Variants in RPIA observed in about 807,000 individuals in gnomAD.
The protein encoded by RPIA is ribose 5-phosphate isomerase A.
Under a neutral mutation model 37.8 loss-of-function variants are expected in RPIA, and 29 were observed. That is an observed-to-expected ratio of 0.77 (90% confidence interval 0.57 to 1.05). The LOEUF (loss-of-function observed/expected upper bound fraction) is 1.05, where lower values mean the gene tolerates loss of function less well. RPIA is among the 50% of genes least tolerant of loss of function. The probability of loss-of-function intolerance (pLI) is 0.00; values close to 1 mark genes in which losing one functional copy is unlikely to be tolerated. For missense variants in RPIA, 385 were observed against 413.6 expected, an observed-to-expected ratio of 0.93 and a Z score of 0.60; for synonymous variants, 167 against 157.0, an observed-to-expected ratio of 1.06 and a Z score of -0.48.
At position 88,726,035 on chromosome 2, in the gene RPIA, T is replaced by C. The variant is rs529527249; in HGVS notation, c.403-3243T>C. On this transcript the variant is annotated intron_variant, in intron 3 of 8. Transcript: ENST00000283646. ...ACTGTTTTAAAGGGAGTACAGATGC[T>C]CCCCTTGTGTTGTTGCTTATTGTCT... Among the ~76,000 whole-genome samples the C allele has an allele frequency of 2.6e-5, 4 of 152,256 alleles. No individual in the cohort carries two copies. In the South Asian group the frequency reaches 6.2e-4, roughly 24 times the overall value.
At chr2:88,713,907 G>T (rs1185328491) in intron 3 of RPIA, among the ~76,000 whole-genome samples, 3 of 144,530 alleles carry the variant, frequency 2.1e-5, no homozygotes, top group Non-Finnish European at 3.0e-5. Flanking sequence ...TTGTTTTATG[G>T]TTAATTTTTT....
chr2:88,691,678 AG>A lies in RPIA; in HGVS notation c.-19del. Reference sequence around the variant, plus strand: ...GGAGCCGGGGGCGGGACTTCAGCGGAGGCCGGAGCGAGGCGTCGGGATGCAG... The same window carrying A: ...GGAGCCGGGGGCGGGACTTCAGCGGAGCCGGAGCGAGGCGTCGGGATGCAG... On this transcript the variant is annotated 5_prime_UTR_variant, in exon 1 of 9. Transcript: ENST00000283646. The A allele has an allele frequency of 1.3e-6, 2 of 1,568,646 alleles. No individual in the cohort carries two copies. The highest frequency in any genetic ancestry group is 2.3e-5 in the East Asian group (1 of 44,300).
At chr2:88,713,120 ATTTTT>A (rs1553420200) in intron 3 of RPIA, among the ~76,000 whole-genome samples, 1 of 65,278 alleles carries the variant, frequency 1.5e-5, no homozygotes, top group East Asian at 5.8e-4. Context: ...ATATATATAT[ATTTTT>A]TTTTTTTTTT....
At chr2:88,719,956 G>T (rs1318141411) in intron 3 of RPIA, among the ~76,000 whole-genome samples, 1 of 152,002 alleles carries the variant, frequency 6.6e-6, no homozygotes, top group East Asian at 1.9e-4. Context: ...TCTCAAAATT[G>T]GCCCTTACAA....
chr2:88,718,996 C>T (rs1265455064), intron 3 of RPIA, among the ~76,000 whole-genome samples: 3 of 152,166 alleles, frequency 2.0e-5, no homozygotes, highest in Admixed American at 6.5e-5. Flanking sequence ...CAGTTAATTA[C>T]TGTTCTGCTT....
chr2:88,691,865 G>T lies in RPIA; in HGVS notation c.167G>T (p.Gly56Val). The T allele has an allele frequency of 7.5e-6, 12 of 1,595,160 alleles. No individual in the cohort carries two copies. The highest frequency in any genetic ancestry group is 1.0e-5 in the Non-Finnish European group (12 of 1,172,134). ...RAQSGTRGGA[G>V]NTSTSCGDSN... ...CAGTCTGGGACCCGTGGCGGTGCTG[G>T]CAACACAAGCACCAGCTGCGGGGAC... Residue 56 changes from glycine (G) to valine (V), a missense_variant, in exon 1 of 9, where the codon GGC becomes GTC. Around this residue, in one of 2 missense-constraint regions of RPIA, gnomAD observed 232 missense variants for 203.0 expected, o/e 1.14. Coordinates refer to ENST00000283646, the MANE Select transcript of RPIA (RefSeq NM_144563.3).
At chr2:88,695,352 T>C (rs983034883) in intron 1 of RPIA, among the ~76,000 whole-genome samples, 2 of 152,186 alleles carry the variant, frequency 1.3e-5, no homozygotes, top group Admixed American at 1.3e-4. Context: ...AGTGGAACCT[T>C]ATGGTATCTC....
At chr2:88,711,261 G>A (rs567164562) in intron 3 of RPIA, among the ~76,000 whole-genome samples, 3 of 152,342 alleles carry the variant, frequency 2.0e-5, no homozygotes, top group Admixed American at 2.0e-4. Context: ...AGAAACCACC[G>A]CAAGGTGGTC....
chr2:88,711,707 C>T (rs1409689316), intron 3 of RPIA, among the ~76,000 whole-genome samples: 2 of 152,162 alleles, frequency 1.3e-5, no homozygotes, highest in African/African-American at 4.8e-5. Context: ...CTTTACTGGG[C>T]TATTTCAAAA....
intron 8 of RPIA, 43 bp from the exon 9 acceptor site, chr2:88,749,938 T>G (rs964215339): frequency 6.9e-7 from 1 of 1,451,762 alleles, no homozygotes. Context: ...CTTTTTGCTT[T>G]GGGAGGCTGA....
intron 3 of RPIA, among the ~76,000 whole-genome samples, chr2:88,727,084 CGTGTGTGTGTGTGCGCGCGCAT>C (rs1310667510): frequency 5.3e-5 from 8 of 151,852 alleles, no homozygotes; most frequent in Admixed American, 2.6e-4. Context: ...TGTGTGCGTG[CGTGTGTGTGTGTGCGCGCGCAT>C]GTGTGCGCGT....
chr2:88,692,170 G>T (rs1287554960), intron 1 of RPIA, among the ~76,000 whole-genome samples, 187 bp downstream of exon 1: 1 of 152,224 alleles, frequency 6.6e-6, no homozygotes, highest in Non-Finnish European at 1.5e-5. Context: ...CCTTTTAGAT[G>T]TGGAATCGGT....
intron 3 of RPIA, among the ~76,000 whole-genome samples, chr2:88,714,263 T>C (rs1673005380): frequency 6.6e-6 from 1 of 152,164 alleles, no homozygotes; most frequent in East Asian, 1.9e-4. Flanking sequence ...CTCCGCCTCC[T>C]GGGTTCAAGT....
chr2:88,722,059 C>T (rs1024643788), intron 3 of RPIA, among the ~76,000 whole-genome samples: 1 of 150,864 alleles, frequency 6.6e-6, no homozygotes, highest in South Asian at 2.1e-4. Flanking sequence ...CTGAACATAC[C>T]TCTTTCTTAA....
chr2:88,701,796 C>T (rs769846264), intron 3 of RPIA, among the ~76,000 whole-genome samples: 1 of 152,158 alleles, frequency 6.6e-6, no homozygotes, highest in Non-Finnish European at 1.5e-5. Flanking sequence ...CAATAGAGGA[C>T]CACCCTTACA....
At chr2:88,698,658 A>G (rs753145082) in intron 2 of RPIA, 114 bp downstream of exon 2, 5 of 934,524 alleles carry the variant, frequency 5.4e-6, no homozygotes, top group South Asian at 1.3e-5. Context: ...CTTCAGCAGT[A>G]CAGAGCTGGA....
At chr2:88,695,929 A>ATT (rs397947029) in intron 1 of RPIA, among the ~76,000 whole-genome samples, 18 of 144,552 alleles carry the variant, frequency 1.2e-4, no homozygotes, top group South Asian at 4.4e-4. Context: ...TTAGTATTTG[A>ATT]TTTTTTTTTT....
chr2:88,746,856 G>A (rs937142840), intron 8 of RPIA, among the ~76,000 whole-genome samples: 2 of 152,162 alleles, frequency 1.3e-5, no homozygotes, highest in African/African-American at 4.8e-5. Context: ...GTTCTGTTAC[G>A]AGTTTCTGTA....
In RPIA at chr2:88,729,263, C is replaced by G; in HGVS notation, c.403-15C>G. The G allele has an allele frequency of 6.2e-7, 1 of 1,614,010 alleles. No individual in the cohort carries two copies. The highest frequency in any genetic ancestry group is 8.5e-7 in the Non-Finnish European group (1 of 1,179,884). On this transcript the variant is annotated splice_polypyrimidine_tract_variant and intron_variant, in intron 3 of 8. Transcript: ENST00000283646. ...CAAGTAAATGATCGTGGTTGCTCTT[C>G]CCTGTCCTCCGCAGGCCCGCCAGCT...
Sources: gnomAD v4.1 joint callset for allele counts (sites outside exome capture counted in the v4.1 genomes callset) on GRCh38, gnomAD v4.1.1 for gene constraint, gnomAD v4.1.1 regional missense constraint, MANE v1.5 for transcripts, NCBI Gene and HGNC (gene_info 2026-07-23, HGNC 2026-07-21) for gene names.